PRH1: variants seen among roughly 807,000 people sequenced by gnomAD.
PRH1 encodes the protein salivary acidic proline-rich phosphoprotein 1/2.
In PRH1, 7 loss-of-function variants were observed where a neutral mutation model predicts 7.9. The observed-to-expected ratio is 0.89, with a 90% CI of 0.50 to 1.67. The LOEUF (loss-of-function observed/expected upper bound fraction) is 1.67. Ranked by LOEUF, PRH1 falls within the 40% of genes most tolerant of loss-of-function variation. PRH1 has a pLI of 0.00. For synonymous variants in PRH1, 45 were observed against 80.8 expected (o/e 0.56, Z 2.38); for missense variants, 109 against 223.6 (o/e 0.49, Z 3.27).
At chr12:10,893,223 G>C (rs941209299) in intron 2 of PRH1, among the ~76,000 whole-genome samples, 32 of 152,262 alleles carry the variant, frequency 2.1e-4, no homozygotes, top group African/African-American at 6.7e-4. Context: ...AAAATACAGA[G>C]TGTGTCAGTT....
intron 1 of PRH1, among the ~76,000 whole-genome samples, chr12:11,150,024 C>T (rs2136423094): frequency 8.1e-6 from 1 of 123,170 alleles, no homozygotes; most frequent in Admixed American, 8.1e-5. Flanking sequence ...TGAACAGACA[C>T]TTCTCAAAAG....
intron 1 of PRH1, among the ~76,000 whole-genome samples, chr12:11,031,968 T>C (rs1324059068): frequency 2.0e-5 from 3 of 152,236 alleles, no homozygotes; most frequent in Non-Finnish European, 2.9e-5. Context: ...CTTTTAATTG[T>C]TGTGACCAGT....
At chr12:10,908,522 G>C (rs771911613) in intron 2 of PRH1, 1 of 1,613,874 alleles carries the variant, frequency 6.2e-7, no homozygotes, top group Non-Finnish European at 8.5e-7. Context: ...AGATCACTGT[G>C]TTCTGATACA....
chr12:11,067,183 C>A (rs1230236216), intron 1 of PRH1, among the ~76,000 whole-genome samples: 3 of 14,846 alleles, frequency 2.0e-4, no homozygotes, highest in East Asian at 0.056. Context: ...TATACCTTAA[C>A]AAATTTGCCT....
intron 2 of PRH1, among the ~76,000 whole-genome samples, chr12:10,906,018 A>T (rs1591664563): frequency 6.6e-6 from 1 of 152,332 alleles, no homozygotes; most frequent in East Asian, 1.9e-4. Flanking sequence ...ATAAACTACA[A>T]GAGAGTTCAG....
At position 11,144,880 on chromosome 12, in the gene PRH1, T is replaced by A. The variant is rs34576964; in HGVS notation, n.40-23700A>T. ...GACCTTCAGTTCTCCAGTGGTGGTG[T>A]GTGTTCAGAAGAGGAGGGTCTCCCT... is the stretch of plus-strand genomic sequence containing the variant. On this transcript the variant is annotated intron_variant and non_coding_transcript_variant, in intron 1 of 1. Coordinates refer to the PRH1 transcript ENST00000541175. 4.5e-3 allele frequency among the ~76,000 whole-genome samples: 679 copies of A among 152,290 alleles called. 5 individuals carry two copies. The highest frequency in any genetic ancestry group is 0.015 in the African/African-American group (630 of 41,570).
intron 1 of PRH1, among the ~76,000 whole-genome samples, chr12:11,005,253 T>C (rs1940774274): frequency 6.6e-6 from 1 of 152,180 alleles, no homozygotes; most frequent in Non-Finnish European, 1.5e-5. Flanking sequence ...ATACTGATGT[T>C]GAAGTGAAAA....
intron 1 of PRH1, among the ~76,000 whole-genome samples, chr12:11,007,453 T>A (rs1320465860): frequency 1.3e-5 from 2 of 152,134 alleles, no homozygotes; most frequent in Admixed American, 6.6e-5. Context: ...ATCAAACATA[T>A]TTCTCATGCT....
At chr12:11,115,359 AAT>A (rs1263298638) in intron 1 of PRH1, among the ~76,000 whole-genome samples, 1 of 152,160 alleles carries the variant, frequency 6.6e-6, no homozygotes, top group Non-Finnish European at 1.5e-5. Context: ...TGCAATTGTA[AAT>A]ATATATGCAC....
intron 1 of PRH1, among the ~76,000 whole-genome samples, chr12:11,147,509 T>C (rs1946900876): frequency 6.6e-6 from 1 of 152,210 alleles, no homozygotes; most frequent in Non-Finnish European, 1.5e-5. Context: ...TAAATTTACA[T>C]ATTGTAATTT....
chr12:11,053,203 A>G (rs76623988), intron 1 of PRH1, among the ~76,000 whole-genome samples: 6 of 128,404 alleles, frequency 4.7e-5, no homozygotes, highest in Non-Finnish European at 7.1e-5. Context: ...TTAACCACAG[A>G]TACATCATTG....
chr12:10,918,556 G>A (rs1247901532), intron 2 of PRH1, among the ~76,000 whole-genome samples: 1 of 152,110 alleles, frequency 6.6e-6, no homozygotes, highest in Non-Finnish European at 1.5e-5. Flanking sequence ...CAAAAAGCAG[G>A]TTATAATCTA....
chr12:10,909,229 T>G lies in PRH1; in HGVS notation c.-58-24954A>C. On this transcript the variant is annotated intron_variant, in intron 2 of 3. Coordinates refer to the PRH1 transcript ENST00000539853. ...CAGTTGATCAGTACTATAAATCCATTGCTCAAATTCCCAATTATGAATTCT... is the reference window on the plus strand; with the variant it reads ...CAGTTGATCAGTACTATAAATCCATGGCTCAAATTCCCAATTATGAATTCT... 1 of 1,613,768 alleles carries G rather than the reference T, an allele frequency of 6.2e-7. No homozygotes were observed. Among genetic ancestry groups the G allele is most frequent in the Non-Finnish European group, 8.5e-7 (1 of 1,179,838 alleles).
intron 1 of PRH1, among the ~76,000 whole-genome samples, chr12:11,086,594 C>G (rs1944708950): frequency 6.6e-6 from 1 of 151,696 alleles, no homozygotes; most frequent in South Asian, 2.1e-4. Flanking sequence ...ACAACTACTG[C>G]CTGCCTCAGT....
At chr12:11,105,854 G>A (rs1295755678) in intron 1 of PRH1, among the ~76,000 whole-genome samples, 1 of 151,934 alleles carries the variant, frequency 6.6e-6, no homozygotes, top group African/African-American at 2.4e-5. Context: ...CTACCAAAAG[G>A]ATTCAAGTTT....
chr12:11,031,699 T>C (rs1302614983), intron 1 of PRH1, among the ~76,000 whole-genome samples: 4 of 152,174 alleles, frequency 2.6e-5, no homozygotes, highest in Non-Finnish European at 4.4e-5. Context: ...TTGCTTGGTG[T>C]ATTTTAGAGC....
At chr12:11,160,989 A>T (rs936859816) in intron 1 of PRH1, among the ~76,000 whole-genome samples, 1 of 152,120 alleles carries the variant, frequency 6.6e-6, no homozygotes, top group African/African-American at 2.4e-5. Context: ...TTCTAAGCAT[A>T]TAGACTATAT....
chr12:11,133,659 G>C, intron 1 of PRH1: 1 of 1,614,262 alleles, frequency 6.2e-7, no homozygotes, highest in East Asian at 2.2e-5. Context: ...ATTAACAGCA[G>C]AAAAGATATC....
At chr12:11,136,291 A>C (rs1946552426) in intron 1 of PRH1, among the ~76,000 whole-genome samples, 2 of 152,178 alleles carry the variant, frequency 1.3e-5, no homozygotes, top group South Asian at 4.1e-4. Flanking sequence ...TCTGAAATTT[A>C]GTCACATAGT....
Sources: allele counts gnomAD v4.1 joint callset (sites outside exome capture counted in the v4.1 genomes callset), GRCh38; gene constraint gnomAD v4.1.1; transcripts MANE v1.5; gene names NCBI Gene and HGNC (gene_info 2026-07-23, HGNC 2026-07-21).